The following KDM7A variants were observed in gnomAD, a reference collection of about 807,000 sequenced individuals.
The protein encoded by KDM7A is lysine-specific demethylase 7A.
Under a neutral mutation model 114.8 loss-of-function variants are expected in KDM7A, and 28 were observed. The observed-to-expected ratio is 0.24, with a 90% CI of 0.18 to 0.33. KDM7A has a LOEUF of 0.33. KDM7A is among the 10% of genes least tolerant of loss of function. The pLI is 1.00. For synonymous variants in KDM7A, 423 were observed against 397.8 expected (o/e 1.06, Z -0.75); for missense variants, 942 against 1,142.5 (o/e 0.82, Z 2.53).
intron 1 of KDM7A, among the ~76,000 whole-genome samples, chr7:140,159,927 T>A (rs912256941): frequency 6.8e-6 from 1 of 147,874 alleles, no homozygotes; most frequent in African/African-American, 2.5e-5. Flanking sequence ...TTTAAGTTCT[T>A]CAATCCTTGA....
chr7:140,118,557 C>T (rs1818568592), intron 9 of KDM7A, among the ~76,000 whole-genome samples: 1 of 151,352 alleles, frequency 6.6e-6, no homozygotes, highest in South Asian at 2.1e-4. Flanking sequence ...AGGCATGCAC[C>T]ACGATGCCCG....
Position 140,088,245 on chromosome 7 carries a change from A to C in KDM7A, c.*2849T>G, listed in dbSNP as rs1229769676. ...GGATACTGAACTACTACAAACTGCCAACTTTATATTGTTTACATCACTCAT... is the reference window on the plus strand; with the variant it reads ...GGATACTGAACTACTACAAACTGCCCACTTTATATTGTTTACATCACTCAT... On this transcript the variant is annotated 3_prime_UTR_variant, in exon 20 of 20. Transcript: ENST00000397560. 2.9e-6 allele frequency: 1 copy of C among 343,450 alleles called. No homozygotes were observed. Among genetic ancestry groups the C allele is most frequent in the Non-Finnish European group, 5.2e-6 (1 of 191,528 alleles). The allele number at this position is 343,450 out of a possible 1,614,324, so 21.3% of individuals were successfully genotyped here.
intron 9 of KDM7A, among the ~76,000 whole-genome samples, chr7:140,115,821 TA>T (rs35674371): frequency 0.38 from 44,242 of 117,554 alleles, 7,157 homozygotes; most frequent in Middle Eastern, 0.49. Context: ...AATAAATAAA[TA>T]AAAAAAAATA....
At chr7:140,168,553 G>A (rs542404538) in intron 1 of KDM7A, among the ~76,000 whole-genome samples, 1 of 149,056 alleles carries the variant, frequency 6.7e-6, no homozygotes, top group East Asian at 2.0e-4. Context: ...GGGCAACAGA[G>A]CAAGACTCTA....
chr7:140,101,551 G>GT (rs996133869), intron 12 of KDM7A, among the ~76,000 whole-genome samples: 8 of 151,808 alleles, frequency 5.3e-5, no homozygotes, highest in Admixed American at 2.0e-4. Flanking sequence ...ATTGTTTTGG[G>GT]TTTTTTTTAA....
intron 7 of KDM7A, among the ~76,000 whole-genome samples, chr7:140,122,942 A>C (rs1818638945): frequency 6.6e-6 from 1 of 152,278 alleles, no homozygotes; most frequent in African/African-American, 2.4e-5. Context: ...AAATGGGAGC[A>C]AATTATTTGC....
intron 9 of KDM7A, among the ~76,000 whole-genome samples, chr7:140,116,137 T>G (rs1232005964): frequency 6.6e-6 from 1 of 152,186 alleles, no homozygotes; most frequent in Non-Finnish European, 1.5e-5. Flanking sequence ...ACCTAGCAAT[T>G]AGGCCTGTTT....
intron 2 of KDM7A, among the ~76,000 whole-genome samples, chr7:140,137,699 A>G (rs569637896): frequency 6.6e-6 from 1 of 152,352 alleles, no homozygotes; most frequent in African/African-American, 2.4e-5. Flanking sequence ...TCTATTTTAA[A>G]AGGAAATATT....
At chr7:140,117,040 G>A (rs949845505) in intron 9 of KDM7A, among the ~76,000 whole-genome samples, 2 of 152,194 alleles carry the variant, frequency 1.3e-5, no homozygotes, top group Admixed American at 1.3e-4. Context: ...GGGGTCACAA[G>A]ACCACTATTC....
At chr7:140,116,370 T>G (rs1818530098) in intron 9 of KDM7A, among the ~76,000 whole-genome samples, 1 of 151,670 alleles carries the variant, frequency 6.6e-6, no homozygotes, top group Non-Finnish European at 1.5e-5. Flanking sequence ...CAATGCTGAG[T>G]AAAAGGTTAC....
chr7:140,099,169 G>T, intron 13 of KDM7A, 136 bp from the exon 14 acceptor site: 2 of 714,744 alleles, frequency 2.8e-6, no homozygotes, highest in Non-Finnish European at 4.6e-6. Flanking sequence ...CTGTGCAATA[G>T]TATGCGCTAG....
intron 11 of KDM7A, among the ~76,000 whole-genome samples, chr7:140,105,899 G>A (rs2116761578): frequency 6.6e-6 from 1 of 152,288 alleles, no homozygotes; most frequent in East Asian, 1.9e-4. Context: ...GTAGAATTTG[G>A]CTGTGAATCC....
At chr7:140,117,091 T>C (rs1453566605) in intron 9 of KDM7A, among the ~76,000 whole-genome samples, 1 of 152,230 alleles carries the variant, frequency 6.6e-6, no homozygotes, top group African/African-American at 2.4e-5. Context: ...GCAATTGCTA[T>C]AATGATCAAT....
rs1049053105 is a variant in KDM7A, at chr7:140,090,912, A to G, written c.*182T>C. On this transcript the variant is annotated 3_prime_UTR_variant, in exon 20 of 20. Coordinates refer to ENST00000397560, the MANE Select transcript of KDM7A (RefSeq NM_030647.2). Reference sequence around the variant, plus strand: ...CTTCTTCCTCTCCCCCACCAGGTCCAAAATGGTTATTGCTGAGTGGGTGTG... The same window carrying G: ...CTTCTTCCTCTCCCCCACCAGGTCCGAAATGGTTATTGCTGAGTGGGTGTG... 1.7e-6 allele frequency: 1 copy of G among 572,238 alleles called. No individual in the cohort carries two copies. Among genetic ancestry groups the G allele is most frequent in the East Asian group, 2.8e-5 (1 of 35,920 alleles). 35.4% of individuals were successfully genotyped at this position (572,238 alleles called of 1,614,324 possible). A position where few individuals can be genotyped will look rare whatever the true frequency, so the allele number is the denominator to read the frequency against.
At chr7:140,134,554 T>A (rs74863426) in intron 2 of KDM7A, among the ~76,000 whole-genome samples, 8,879 of 152,108 alleles carry the variant, frequency 0.058, 333 homozygotes, top group East Asian at 0.13. Context: ...ATTTCTGTTT[T>A]AAATCTTTTT....
intron 1 of KDM7A, among the ~76,000 whole-genome samples, chr7:140,160,383 C>A (rs540203474): frequency 3.3e-5 from 5 of 152,286 alleles, no homozygotes; most frequent in Non-Finnish European, 5.9e-5. Flanking sequence ...GTATCAGGGT[C>A]TTTCTTTGTT....
Position 140,119,115 on chromosome 7 carries a change from T to C in KDM7A, c.1244A>G (p.Lys415Arg), listed in dbSNP as rs1818578505. The stretch of plus-strand genomic sequence containing the variant: ...CAAACATGCAAATTATTAATTACCT[T>C]TCAGGGTTTCCAGCAAGTTTTTGGC... ...FVAKNLLETL[K>R]ELREDGFQPQ... The change falls in exon 9 of 20, where the codon AAA (lysine) becomes AGA (arginine). Residue 415 changes from lysine (K) to arginine (R), a missense_variant and splice_region_variant. Around this residue, in one of 4 missense-constraint regions of KDM7A, gnomAD observed 318 missense variants for 453.1 expected, o/e 0.70. Coordinates refer to ENST00000397560, the MANE Select transcript of KDM7A (RefSeq NM_030647.2). 6.4e-7 allele frequency: 1 copy of C among 1,573,826 alleles called. No individual in the cohort carries two copies. The highest frequency in any genetic ancestry group is 8.7e-7 in the Non-Finnish European group (1 of 1,146,524).
chr7:140,166,321 A>C (rs1794574566), intron 1 of KDM7A, among the ~76,000 whole-genome samples: 1 of 151,384 alleles, frequency 6.6e-6, no homozygotes, highest in African/African-American at 2.4e-5. Context: ...AAAATTGAGG[A>C]ATACTTTTTT....
chr7:140,147,737 G>A (rs988698630), intron 1 of KDM7A, among the ~76,000 whole-genome samples: 1 of 152,172 alleles, frequency 6.6e-6, no homozygotes, highest in Non-Finnish European at 1.5e-5. Context: ...TGATTCTGGG[G>A]TCAGTTTAGG....
Sources: gnomAD v4.1 joint callset for allele counts (sites outside exome capture counted in the v4.1 genomes callset) on GRCh38, gnomAD v4.1.1 for gene constraint, gnomAD v4.1.1 regional missense constraint, MANE v1.5 for transcripts, NCBI Gene and HGNC (gene_info 2026-07-23, HGNC 2026-07-21) for gene names.